The following FOXN3 variants were observed in gnomAD, a reference collection of about 807,000 sequenced individuals.
FOXN3 encodes forkhead box N3, also known as forkhead box protein N3.
In FOXN3, 7 loss-of-function variants were observed where a neutral mutation model predicts 38.4. The observed-to-expected ratio is 0.18, with a 90% CI of 0.10 to 0.34. The LOEUF is 0.34. Among genes scored for constraint, FOXN3 ranks in the 10% least tolerant of loss-of-function variants. The pLI is 1.00. For synonymous variants in FOXN3, 230 were observed against 242.2 expected (o/e 0.95, Z 0.47); for missense variants, 456 against 613.4 (o/e 0.74, Z 2.71).
At chr14:89,249,421 A>C (rs1439416544) in intron 4 of FOXN3, among the ~76,000 whole-genome samples, 1 of 152,242 alleles carries the variant, frequency 6.6e-6, no homozygotes, top group East Asian at 1.9e-4. Context: ...TTTATTTACA[A>C]GCATCACAGC....
chr14:89,374,940 G>A (rs1431317588), intron 2 of FOXN3, among the ~76,000 whole-genome samples: 1 of 149,198 alleles, frequency 6.7e-6, no homozygotes, highest in African/African-American at 2.5e-5. Flanking sequence ...TCACACCATT[G>A]CACTCCAGCC....
At chr14:89,446,377 C>T (rs895120508) in intron 1 of FOXN3, among the ~76,000 whole-genome samples, 16 of 151,522 alleles carry the variant, frequency 1.1e-4, no homozygotes, top group Admixed American at 3.3e-4. Context: ...TTGGTAGAGA[C>T]GGGGTTTCAC....
intron 3 of FOXN3, among the ~76,000 whole-genome samples, chr14:89,309,365 C>A (rs576746792): frequency 6.6e-6 from 1 of 152,278 alleles, no homozygotes; most frequent in South Asian, 2.1e-4. Flanking sequence ...CACCCACAGT[C>A]ACTCACTGGG....
intron 4 of FOXN3, among the ~76,000 whole-genome samples, chr14:89,231,738 CG>C (rs1373692055): frequency 6.6e-6 from 1 of 152,130 alleles, no homozygotes; most frequent in Non-Finnish European, 1.5e-5. Flanking sequence ...TGCTCCAAAT[CG>C]GACCTGCCTA....
In FOXN3 at chr14:89,223,856, T is replaced by C. The variant is rs141882650; in HGVS notation, c.746-43050A>G. On this transcript the variant is annotated intron_variant, in intron 4 of 5. Transcript: ENST00000557258. ...CAGAGAAATGCTTAAGGAAATCAGG[T>C]CTGTAGAATGAATTCCTTAAACAAG... Among the ~76,000 whole-genome samples, 5 of 149,192 alleles carry C rather than the reference T, an allele frequency of 3.4e-5. No homozygotes were observed. The East Asian group carries it at 9.8e-4, about 29-fold the overall frequency.
intron 1 of FOXN3, among the ~76,000 whole-genome samples, chr14:89,584,595 T>C (rs1895808670): frequency 6.6e-6 from 1 of 152,218 alleles, no homozygotes; most frequent in Non-Finnish European, 1.5e-5. Flanking sequence ...TATCAAAATA[T>C]GAATTTAATT....
At chr14:89,291,080 T>C (rs1267410993) in intron 3 of FOXN3, 1 of 504,934 alleles carries the variant, frequency 2.0e-6, no homozygotes, top group South Asian at 1.5e-5. Context: ...CCACACGGTG[T>C]AAATCATGTT....
intron 1 of FOXN3, among the ~76,000 whole-genome samples, chr14:89,612,990 A>ATG (rs1896422608): frequency 1.3e-5 from 2 of 151,698 alleles, no homozygotes; most frequent in South Asian, 4.1e-4. Flanking sequence ...GGTGGCACGC[A>ATG]CCTGTAATCC....
rs1261459868 is a variant in FOXN3, at chr14:89,230,615, TATC to T, written c.746-49812_746-49810del. 8 of 226,230 alleles carry T rather than the reference TATC, an allele frequency of 3.5e-5. No homozygotes were observed. The Admixed American group carries it at 3.8e-4, about 11-fold the overall frequency. The allele number at this position is 226,230 out of a possible 1,614,324, so 14.0% of individuals were successfully genotyped here. The stretch of plus-strand genomic sequence containing the variant: ...TTATTTTGACAACTTGCTTTTTATT[TATC>T]ATATTTATTGTTTCTTGTCTATCTC... On this transcript the variant is annotated intron_variant, in intron 4 of 5. Transcript: ENST00000557258.
At chr14:89,544,944 T>C (rs1894857844) in intron 1 of FOXN3, among the ~76,000 whole-genome samples, 1 of 152,206 alleles carries the variant, frequency 6.6e-6, no homozygotes, top group Non-Finnish European at 1.5e-5. Flanking sequence ...CAGTTGACTG[T>C]AGGTAACTCA....
At chr14:89,354,226 T>G (rs534628754) in intron 2 of FOXN3, among the ~76,000 whole-genome samples, 9 of 151,898 alleles carry the variant, frequency 5.9e-5, no homozygotes, top group South Asian at 2.1e-4. Context: ...TTGTTTGGTT[T>G]TTTTTGTTTG....
upstream of FOXN3, among the ~76,000 whole-genome samples, chr14:89,421,037 A>C (rs1040278036): frequency 1.3e-5 from 2 of 152,126 alleles, no homozygotes; most frequent in Admixed American, 6.5e-5. Flanking sequence ...TAAGAAAAAA[A>C]AAAATTGGGG....
chr14:89,443,057 A>G (rs1201795102), intron 1 of FOXN3, among the ~76,000 whole-genome samples: 2 of 152,264 alleles, frequency 1.3e-5, no homozygotes, highest in African/African-American at 4.8e-5. Flanking sequence ...CCAACGGCTC[A>G]GCAAATTGCA....
At chr14:89,440,413 C>T (rs994848891) in intron 1 of FOXN3, among the ~76,000 whole-genome samples, 6 of 152,172 alleles carry the variant, frequency 3.9e-5, no homozygotes, top group African/African-American at 9.7e-5. Flanking sequence ...GTGACTTGCA[C>T]GTATAGGCCC....
chr14:89,585,757 GAAA>G (rs34382325), intron 1 of FOXN3, among the ~76,000 whole-genome samples: 38 of 136,876 alleles, frequency 2.8e-4, no homozygotes, highest in South Asian at 7.0e-4. Context: ...CACTTGACTA[GAAA>G]AAAAAAAAAA....
Position 89,480,136 on chromosome 14 carries a change from T to C in FOXN3, c.-14-67646A>G, listed in dbSNP as rs993429114. On this transcript the variant is annotated intron_variant, in intron 1 of 6. Coordinates refer to the FOXN3 transcript ENST00000345097. The stretch of plus-strand genomic sequence containing the variant: ...AAAGCTTGGGCGTCTGAACACTTTA[T>C]GATCAGTAAAATACAGGATTCTAGC... Among the ~76,000 whole-genome samples, 7 of 152,336 alleles carry C rather than the reference T, an allele frequency of 4.6e-5. No individual in the cohort carries two copies. In the South Asian group the frequency reaches 1.0e-3, roughly 23 times the overall value.
chr14:89,555,081 A>G (rs73333049), intron 1 of FOXN3, among the ~76,000 whole-genome samples: 5,721 of 151,908 alleles, frequency 0.038, 339 homozygotes, highest in African/African-American at 0.13. Context: ...ATAAGCCACC[A>G]CACTCAGCCA....
At chr14:89,502,548 C>T (rs778732534) in intron 1 of FOXN3, among the ~76,000 whole-genome samples, 1 of 152,184 alleles carries the variant, frequency 6.6e-6, no homozygotes, top group African/African-American at 2.4e-5. Flanking sequence ...ATAAACTGCA[C>T]ATTTTTCTAC....
intron 3 of FOXN3, among the ~76,000 whole-genome samples, chr14:89,302,279 CA>C (rs1476886262): frequency 6.6e-6 from 1 of 152,108 alleles, no homozygotes; most frequent in Non-Finnish European, 1.5e-5. Flanking sequence ...AACATAGTTT[CA>C]AAAGAGTAAT....
Sources: gnomAD v4.1 joint callset for allele counts (sites outside exome capture counted in the v4.1 genomes callset) on GRCh38, gnomAD v4.1.1 for gene constraint, MANE v1.5 for transcripts, NCBI Gene and HGNC (gene_info 2026-07-23, HGNC 2026-07-21) for gene names.